Variants in CDC42BPA observed in about 807,000 individuals in gnomAD.
CDC42BPA encodes serine/threonine-protein kinase MRCK alpha.
Under a neutral mutation model 223.5 loss-of-function variants are expected in CDC42BPA, and 80 were observed. That is an observed-to-expected ratio of 0.36 (90% confidence interval 0.30 to 0.43). CDC42BPA has a LOEUF of 0.43. Among genes scored for constraint, CDC42BPA ranks in the 20% least tolerant of loss-of-function variants. The pLI, the probability that CDC42BPA is intolerant of heterozygous loss-of-function variation, is 1.00. For synonymous variants in CDC42BPA, 694 were observed against 718.6 expected, an observed-to-expected ratio of 0.97 and a Z score of 0.55; for missense variants, 1,743 against 2,099.9, an observed-to-expected ratio of 0.83 and a Z score of 3.32.
At chr1:227,305,972 C>CTAAA (rs1434126112) in intron 1 of CDC42BPA, among the ~76,000 whole-genome samples, 1 of 151,942 alleles carries the variant, frequency 6.6e-6, no homozygotes, top group African/African-American at 2.4e-5. Flanking sequence ...TCTCAAAAAA[C>CTAAA]TAAATAAATA....
intron 5 of CDC42BPA, among the ~76,000 whole-genome samples, chr1:227,168,497 G>GTTTTTTTTTTTGTTTTTTT (rs1665481877): frequency 6.2e-5 from 5 of 80,196 alleles, no homozygotes; most frequent in African/African-American, 2.5e-4. Context: ...CTTCCCTGGT[G>GTTTTTTTTTTTGTTTTTTT]TTTTTTTTTT....
At chr1:227,180,594 G>A (rs1667768647) in intron 5 of CDC42BPA, 1 of 152,112 alleles carries the variant, frequency 6.6e-6, no homozygotes, top group Non-Finnish European at 1.5e-5. Context: ...TAAGATCTAA[G>A]TCACTGAAGG....
intron 1 of CDC42BPA, among the ~76,000 whole-genome samples, chr1:227,254,980 A>T (rs1408601234): frequency 2.0e-5 from 3 of 152,190 alleles, no homozygotes; most frequent in Non-Finnish European, 4.4e-5. Context: ...AATCCATGGT[A>T]AAGAATTGTG....
rs1426361906 is a variant in CDC42BPA, at chr1:227,185,776, A to G, written c.599+8010T>C. 2.6e-5 allele frequency among the ~76,000 whole-genome samples: 4 copies of G among 152,052 alleles called. No individual in the cohort carries two copies. The East Asian group carries it at 7.7e-4, about 29-fold the overall frequency. Reference sequence around the variant, plus strand: ...GTCGTTTTTTTTCTAATTCAACTTAAGAGGAAGAATCTGGTGTTCCTCCAC... The same window carrying G: ...GTCGTTTTTTTTCTAATTCAACTTAGGAGGAAGAATCTGGTGTTCCTCCAC... On this transcript the variant is annotated intron_variant, in intron 5 of 36. Coordinates refer to ENST00000366766, the MANE Select transcript of CDC42BPA (RefSeq NM_001394014.1).
chr1:227,309,878 G>C (rs1693212987), intron 1 of CDC42BPA, among the ~76,000 whole-genome samples: 2 of 152,114 alleles, frequency 1.3e-5, no homozygotes, highest in Non-Finnish European at 1.5e-5. Flanking sequence ...GCTTTTCTTA[G>C]ATGTAATTTT....
At chr1:227,145,954 G>A (rs894780351) in intron 7 of CDC42BPA, among the ~76,000 whole-genome samples, 2 of 152,112 alleles carry the variant, frequency 1.3e-5, no homozygotes, top group African/African-American at 2.4e-5. Flanking sequence ...TCATGCATGC[G>A]CTATAGAAAG....
chr1:227,094,802 T>C lies in CDC42BPA; in HGVS notation c.2250-2811A>G, dbSNP rs542287235. Reference sequence around the variant, plus strand: ...CTGGACTTTGGACCCAATAGTGGCCTACAGTCAATTAGCTCGAGATATTTG... The same window carrying C: ...CTGGACTTTGGACCCAATAGTGGCCCACAGTCAATTAGCTCGAGATATTTG... On this transcript the variant is annotated intron_variant, in intron 15 of 36. Coordinates refer to ENST00000366766, the MANE Select transcript of CDC42BPA (RefSeq NM_001394014.1). 7.2e-5 allele frequency among the ~76,000 whole-genome samples: 11 copies of C among 152,346 alleles called. No individual in the cohort carries two copies. The South Asian group carries it at 1.9e-3, about 26-fold the overall frequency.
chr1:227,210,611 G>A (rs1348762686), intron 3 of CDC42BPA, among the ~76,000 whole-genome samples: 2 of 152,086 alleles, frequency 1.3e-5, no homozygotes, highest in African/African-American at 2.4e-5. Context: ...AGCTAACCCA[G>A]TTATTCATCC....
At chr1:227,095,751 C>T (rs1408201992) in intron 15 of CDC42BPA, among the ~76,000 whole-genome samples, 3 of 152,074 alleles carry the variant, frequency 2.0e-5, no homozygotes, top group Non-Finnish European at 4.4e-5. Flanking sequence ...GCCACTGTGT[C>T]TGGCTAATTT....
chr1:227,165,759 CA>C (rs1204427103), intron 5 of CDC42BPA, among the ~76,000 whole-genome samples: 1 of 152,108 alleles, frequency 6.6e-6, no homozygotes. Context: ...GAAACATCAA[CA>C]TATCAGGACA....
In CDC42BPA at chr1:227,021,338, T is replaced by C. The variant is rs185364542; in HGVS notation, c.4615+1925A>G. Among the ~76,000 whole-genome samples, 225 of 152,236 alleles carry C rather than the reference T, an allele frequency of 1.5e-3. 1 individual carries two copies. Among genetic ancestry groups the C allele is most frequent in the African/African-American group, 5.2e-3 (215 of 41,552 alleles). On this transcript the variant is annotated intron_variant, in intron 32 of 36. Coordinates refer to ENST00000366766, the MANE Select transcript of CDC42BPA (RefSeq NM_001394014.1). ...ACACAATAAAATGGGGGTATGCCTG[T>C]ATAAAACTAAGTATGGGTCTTGGAA...
chr1:227,039,109 T>G (rs1670870879), intron 24 of CDC42BPA, among the ~76,000 whole-genome samples: 1 of 152,166 alleles, frequency 6.6e-6, no homozygotes, highest in Non-Finnish European at 1.5e-5. Context: ...TCATTAGGCA[T>G]CCACCTTACA....
intron 15 of CDC42BPA, among the ~76,000 whole-genome samples, chr1:227,096,297 G>A (rs1471795696): frequency 6.6e-6 from 1 of 152,030 alleles, no homozygotes; most frequent in Non-Finnish European, 1.5e-5. Flanking sequence ...CAAATAAATT[G>A]AGTAAAATTT....
intron 20 of CDC42BPA, among the ~76,000 whole-genome samples, chr1:227,070,591 A>G (rs1038746535): frequency 4.6e-5 from 7 of 151,936 alleles, no homozygotes; most frequent in African/African-American, 1.7e-4. Flanking sequence ...ATCTAATAAT[A>G]TAACACAGTT....
At chr1:227,084,652 T>C (rs746583748) in intron 16 of CDC42BPA, among the ~76,000 whole-genome samples, 8 of 152,172 alleles carry the variant, frequency 5.3e-5, no homozygotes, top group Non-Finnish European at 1.0e-4. Flanking sequence ...TCTTCCTTTT[T>C]TGTATGTTTG....
At chr1:227,089,477 AAT>A (rs1558472493) in intron 16 of CDC42BPA, among the ~76,000 whole-genome samples, 1 of 152,182 alleles carries the variant, frequency 6.6e-6, no homozygotes, top group Non-Finnish European at 1.5e-5. Context: ...TTCAAATGGA[AAT>A]AGAGATTCCA....
intron 11 of CDC42BPA, among the ~76,000 whole-genome samples, chr1:227,125,559 T>C (rs1427140880): frequency 6.9e-6 from 1 of 145,456 alleles, no homozygotes; most frequent in Non-Finnish European, 1.5e-5. Flanking sequence ...ATCGCGTCAC[T>C]GCACTCCAGC....
chr1:227,314,102 T>C (rs1309142403), intron 1 of CDC42BPA, among the ~76,000 whole-genome samples: 1 of 152,132 alleles, frequency 6.6e-6, no homozygotes, highest in African/African-American at 2.4e-5. Context: ...GATATACTAA[T>C]TCAGTCATTA....
intron 21 of CDC42BPA, among the ~76,000 whole-genome samples, chr1:227,062,749 C>T (rs934760862): frequency 1.3e-5 from 2 of 151,630 alleles, no homozygotes; most frequent in African/African-American, 2.4e-5. Flanking sequence ...CTTTGAGGTC[C>T]ATTTCCACAT....
Sources: allele counts gnomAD v4.1 joint callset (sites outside exome capture counted in the v4.1 genomes callset), GRCh38; gene constraint gnomAD v4.1.1; transcripts MANE v1.5; gene names NCBI Gene and HGNC (gene_info 2026-07-23, HGNC 2026-07-21).